The following LRRIQ1 variants were observed in gnomAD, a reference collection of about 807,000 sequenced individuals.
The protein encoded by LRRIQ1 is leucine-rich repeat- and IQ domain-containing protein 1.
LRRIQ1 carries 210 observed loss-of-function variants against 211.9 expected under a neutral mutation model. That is an observed-to-expected ratio of 0.99 (90% CI 0.89 to 1.11). The LOEUF (loss-of-function observed/expected upper bound fraction) is 1.11, where lower values mean the gene tolerates loss of function less well. Among genes scored for constraint, LRRIQ1 ranks in the 50% most tolerant of loss-of-function variants. The pLI is 0.00. For missense variants in LRRIQ1, 2,136 were observed against 1,939.5 expected (o/e 1.10, Z -1.90); for synonymous variants, 699 against 650.1 (o/e 1.08, Z -1.14).
At chr12:85,126,183 T>C (rs1181834036) in intron 17 of LRRIQ1, among the ~76,000 whole-genome samples, 1 of 152,160 alleles carries the variant, frequency 6.6e-6, no homozygotes, top group African/African-American at 2.4e-5. Flanking sequence ...GTCCATATGT[T>C]AGTGTCACTG....
chr12:85,217,774 C>G (rs538978903), intron 24 of LRRIQ1, among the ~76,000 whole-genome samples: 55 of 108,388 alleles, frequency 5.1e-4, no homozygotes, highest in African/African-American at 4.1e-3. Context: ...ATGTGTGTGT[C>G]TCTCTCTATA....
At chr12:85,039,863 T>C (rs1465959306) in intron 2 of LRRIQ1, among the ~76,000 whole-genome samples, 1 of 151,604 alleles carries the variant, frequency 6.6e-6, no homozygotes, top group Non-Finnish European at 1.5e-5. Context: ...AGTATTTTGT[T>C]GTTATGAATA....
chr12:85,173,446 C>A (rs1395024028), intron 24 of LRRIQ1, among the ~76,000 whole-genome samples: 1 of 152,178 alleles, frequency 6.6e-6, no homozygotes, highest in Non-Finnish European at 1.5e-5. Flanking sequence ...TTATTTCTCA[C>A]AAATCTGCAG....
chr12:85,056,815 A>C lies in LRRIQ1; in HGVS notation c.2022A>C (p.Gln674His). ...ATATAGAAGGCAAAAGAAATGACCA[A>C]GATTATGTGTTAGGTAGACATGCTC... ...MINIEGKRND[Q>H]DYVLGRHAPC... Residue 674 changes from glutamine to histidine, a missense_variant, in exon 8 of 27, where the codon CAA becomes CAC. Coordinates refer to ENST00000393217, the MANE Select transcript of LRRIQ1 (RefSeq NM_001079910.2). 1 of 1,611,586 alleles carries C rather than the reference A, an allele frequency of 6.2e-7. No homozygotes were observed. The highest frequency in any genetic ancestry group is 8.5e-7 in the Non-Finnish European group (1 of 1,179,124).
chr12:85,175,805 C>T lies in LRRIQ1; in HGVS notation c.4822+15091C>T, dbSNP rs1339914079. Among the ~76,000 whole-genome samples the T allele has an allele frequency of 2.6e-5, 4 of 152,106 alleles. No homozygotes were observed. The East Asian group carries it at 5.8e-4, about 22-fold the overall frequency. ...TGTTTTTGTTAGGTTTGTCAAAGAT[C>T]AGATAGTTGGAGATATGCGGCATTA... On this transcript the variant is annotated intron_variant, in intron 24 of 26. Transcript: ENST00000393217.
intron 24 of LRRIQ1, among the ~76,000 whole-genome samples, chr12:85,190,069 C>A (rs1892425326): frequency 7.1e-6 from 1 of 141,200 alleles, no homozygotes; most frequent in Non-Finnish European, 1.5e-5. Context: ...AACCCCTATA[C>A]ATAATATGTA....
In LRRIQ1 at chr12:85,068,248, A is replaced by G. The variant is rs915732373; in HGVS notation, c.2695+1350A>G. On this transcript the variant is annotated intron_variant, in intron 10 of 26. Transcript: ENST00000393217. ...CCATACTGTCCACCTTTTCAGTCCT[A>G]TAATCATTGGAAAGTTTAATCTAGA... Among the ~76,000 whole-genome samples, 8 of 152,026 alleles carry G rather than the reference A, an allele frequency of 5.3e-5. No homozygotes were observed. In the South Asian group the frequency reaches 6.2e-4, roughly 12 times the overall value.
At chr12:85,199,562 A>C (rs754761076) in intron 24 of LRRIQ1, among the ~76,000 whole-genome samples, 2 of 152,154 alleles carry the variant, frequency 1.3e-5, no homozygotes, top group Non-Finnish European at 2.9e-5. Context: ...ACTGCAATGA[A>C]GAAATACCCG....
chr12:85,248,893 A>G (rs1474499359), downstream of LRRIQ1, among the ~76,000 whole-genome samples: 3 of 151,794 alleles, frequency 2.0e-5, no homozygotes, highest in Admixed American at 1.3e-4. Context: ...GAGGTTCCAT[A>G]TACTGAAGTA....
At chr12:85,244,035 A>G (rs1895597581) in intron 26 of LRRIQ1, among the ~76,000 whole-genome samples, 1 of 151,620 alleles carries the variant, frequency 6.6e-6, no homozygotes, top group Non-Finnish European at 1.5e-5. Context: ...GCTTTCCCTC[A>G]TGGCATTTCC....
At chr12:85,129,188 T>A (rs887584755) in intron 18 of LRRIQ1, among the ~76,000 whole-genome samples, 2 of 152,160 alleles carry the variant, frequency 1.3e-5, no homozygotes, top group Admixed American at 1.3e-4. Flanking sequence ...TTTTTAAAAA[T>A]TTATTTACTC....
intron 6 of LRRIQ1, among the ~76,000 whole-genome samples, chr12:85,049,712 T>C (rs1317666637): frequency 6.6e-6 from 1 of 152,198 alleles, no homozygotes; most frequent in Non-Finnish European, 1.5e-5. Context: ...TTTTTTCATT[T>C]CTCATCCAAT....
At chr12:85,042,903 A>G (rs1404001892) in intron 3 of LRRIQ1, among the ~76,000 whole-genome samples, 1 of 152,134 alleles carries the variant, frequency 6.6e-6, no homozygotes, top group Non-Finnish European at 1.5e-5. Context: ...AAAAGAAACT[A>G]GAAGCTAGTT....
At chr12:85,065,061 G>C (rs1056304468) in intron 8 of LRRIQ1, among the ~76,000 whole-genome samples, 54 of 151,796 alleles carry the variant, frequency 3.6e-4, no homozygotes, top group Non-Finnish European at 5.9e-5. Context: ...TGTCATAGAT[G>C]ATTGCAATAT....
chr12:85,266,529 C>A (rs1286502245), downstream of LRRIQ1, among the ~76,000 whole-genome samples: 1 of 152,104 alleles, frequency 6.6e-6, no homozygotes, highest in African/African-American at 2.4e-5. Flanking sequence ...TTTACCCAAA[C>A]CAAAAGTTAA....
intron 15 of LRRIQ1, among the ~76,000 whole-genome samples, chr12:85,107,417 G>A (rs1255653119): frequency 2.6e-5 from 4 of 152,018 alleles, no homozygotes; most frequent in Non-Finnish European, 4.4e-5. Context: ...GGTGAGAAAT[G>A]TCTACTGACA....
intron 24 of LRRIQ1, among the ~76,000 whole-genome samples, chr12:85,204,960 G>A (rs773891097): frequency 1.6e-4 from 24 of 152,192 alleles, no homozygotes; most frequent in Non-Finnish European, 2.4e-4. Flanking sequence ...CTGTGTCCCC[G>A]CCCAAATCTC....
chr12:85,102,769 A>C (rs534364137), intron 13 of LRRIQ1, among the ~76,000 whole-genome samples: 2 of 151,332 alleles, frequency 1.3e-5, no homozygotes, highest in Non-Finnish European at 3.0e-5. Flanking sequence ...ATAAAGAGGT[A>C]AAGGACCCTT....
At chr12:85,211,953 A>G (rs1354193101) in intron 24 of LRRIQ1, among the ~76,000 whole-genome samples, 2 of 152,156 alleles carry the variant, frequency 1.3e-5, no homozygotes, top group Non-Finnish European at 2.9e-5. Flanking sequence ...AAGTGATCAG[A>G]TAAAAGGAAA....
Sources: allele counts gnomAD v4.1 joint callset (sites outside exome capture counted in the v4.1 genomes callset), GRCh38; gene constraint gnomAD v4.1.1; transcripts MANE v1.5; gene names NCBI Gene and HGNC (gene_info 2026-07-23, HGNC 2026-07-21).